Variants in TMEM132B observed in about 807,000 individuals in gnomAD.
TMEM132B encodes transmembrane protein 132B.
In TMEM132B, 18 loss-of-function variants were observed where a neutral mutation model predicts 90.8. The observed-to-expected ratio is 0.20, with a 90% CI of 0.14 to 0.29. The LOEUF is 0.29. TMEM132B is among the 10% of genes least tolerant of loss of function. The pLI, the probability that TMEM132B is intolerant of heterozygous loss-of-function variation, is 1.00. For synonymous variants in TMEM132B, 504 were observed against 523.3 expected, an observed-to-expected ratio of 0.96 and a Z score of 0.50; for missense variants, 1,096 against 1,326.8, an observed-to-expected ratio of 0.83 and a Z score of 2.70.
At chr12:125,563,366 T>A (rs939601339) in intron 4 of TMEM132B, among the ~76,000 whole-genome samples, 30 of 151,978 alleles carry the variant, frequency 2.0e-4, no homozygotes, top group Non-Finnish European at 1.5e-5. Flanking sequence ...CCCAGCACTT[T>A]GGGAGGCTGA....
At chr12:125,555,776 G>C (rs1391698739) in intron 4 of TMEM132B, among the ~76,000 whole-genome samples, 1 of 151,976 alleles carries the variant, frequency 6.6e-6, no homozygotes, top group Non-Finnish European at 1.5e-5. Flanking sequence ...ACCCCAACTG[G>C]GATGTCGAGT....
At chr12:125,253,138 G>A (rs912897093) in intron 1 of TMEM132B, among the ~76,000 whole-genome samples, 1 of 152,060 alleles carries the variant, frequency 6.6e-6, no homozygotes, top group African/African-American at 2.4e-5. Flanking sequence ...CCTCGTGGAG[G>A]CTGCCTCTGA....
Position 125,235,441 on chromosome 12 carries a change from A to AT in TMEM132B, c.67+48590dup, listed in dbSNP as rs5801590. On this transcript the variant is annotated intron_variant, in intron 1 of 8. Transcript: ENST00000682704. Reference sequence around the variant, plus strand: ...GGCCCATGGAGGCTCTTGCTGCTGGATTTTTTTTTTTTTTTAAGCTGAGGT... The same window carrying AT: ...GGCCCATGGAGGCTCTTGCTGCTGGATTTTTTTTTTTTTTTTAAGCTGAGGT... Among the ~76,000 whole-genome samples, 447 of 140,846 alleles carry AT rather than the reference A, an allele frequency of 3.2e-3. 2 individuals carry two copies. The highest frequency in any genetic ancestry group is 0.013 in the South Asian group (57 of 4,310). The allele number at this position is 140,846 out of a possible 152,430, so 92.4% of individuals were successfully genotyped here.
intron 3 of TMEM132B, among the ~76,000 whole-genome samples, chr12:125,485,476 G>C (rs1882176000): frequency 6.6e-6 from 1 of 152,052 alleles, no homozygotes; most frequent in Admixed American, 6.6e-5. Context: ...TAATTAGATG[G>C]GACAAATTCT....
chr12:125,288,695 G>A (rs1875442703), intron 1 of TMEM132B, among the ~76,000 whole-genome samples: 2 of 151,816 alleles, frequency 1.3e-5, no homozygotes, highest in Non-Finnish European at 2.9e-5. Context: ...TTGTTGCAGG[G>A]GGCTGTTCTG....
chr12:125,240,139 G>T (rs1198015232), intron 1 of TMEM132B, among the ~76,000 whole-genome samples: 1 of 152,178 alleles, frequency 6.6e-6, no homozygotes, highest in African/African-American at 2.4e-5. Flanking sequence ...GATTCTGTAA[G>T]GACTTTGCCC....
intron 4 of TMEM132B, among the ~76,000 whole-genome samples, chr12:125,549,300 C>T (rs59572691): frequency 3.3e-5 from 5 of 152,222 alleles, no homozygotes; most frequent in Non-Finnish European, 5.9e-5. Flanking sequence ...TCCGCCTCCT[C>T]GGCTCTGTTG....
At chr12:125,193,194 A>T (rs1320639013) in intron 1 of TMEM132B, among the ~76,000 whole-genome samples, 1 of 152,168 alleles carries the variant, frequency 6.6e-6, no homozygotes, top group East Asian at 1.9e-4. Flanking sequence ...ATTTCATGGG[A>T]TTCTTGGGCA....
At chr12:125,487,221 A>G (rs1471186796) in intron 3 of TMEM132B, among the ~76,000 whole-genome samples, 3 of 152,244 alleles carry the variant, frequency 2.0e-5, no homozygotes, top group Admixed American at 6.5e-5. Context: ...CTTAGCTCCC[A>G]AAATGAAGGC....
chr12:125,577,679 T>A (rs1337439848), intron 4 of TMEM132B, among the ~76,000 whole-genome samples: 1 of 151,710 alleles, frequency 6.6e-6, no homozygotes, highest in African/African-American at 2.4e-5. Context: ...TCTAGTTCTC[T>A]AAGGTAGAAG....
intron 3 of TMEM132B, among the ~76,000 whole-genome samples, chr12:125,481,292 A>G (rs371741314): frequency 1.3e-5 from 2 of 152,334 alleles, no homozygotes; most frequent in African/African-American, 2.4e-5. Context: ...AGGGTATTCA[A>G]TTAGGAAAAG....
At chr12:125,326,734 G>A in intron 1 of TMEM132B, 2 of 1,544,054 alleles carry the variant, frequency 1.3e-6, no homozygotes, top group South Asian at 1.2e-5. Flanking sequence ...AGACCCAAGG[G>A]GAGGTTTTCC....
intron 3 of TMEM132B, among the ~76,000 whole-genome samples, chr12:125,456,548 G>A (rs1311331917): frequency 1.3e-5 from 2 of 152,236 alleles, no homozygotes; most frequent in Non-Finnish European, 2.9e-5. Flanking sequence ...TTTGCCTGCT[G>A]AGGAGCCTTC....
Position 125,653,958 on chromosome 12 carries a change from C to A in TMEM132B, c.2500C>A (p.Gln834Lys), listed in dbSNP as rs1886995104. 6.2e-7 allele frequency: 1 copy of A among 1,613,982 alleles called. No individual in the cohort carries two copies. Among genetic ancestry groups the A allele is most frequent in the Non-Finnish European group, 8.5e-7 (1 of 1,180,042 alleles). Reference sequence around the variant, plus strand: ...CGAAGGAAACCAGGAGAGAGCAGTCCAGGAATGGTTCCACCGTGGCACACC... The same window carrying A: ...CGAAGGAAACCAGGAGAGAGCAGTCAAGGAATGGTTCCACCGTGGCACACC... ...EREGNQERAV[Q>K]EWFHRGTPVG... The change falls in exon 9 of 9, where the codon CAG becomes AAG. Residue 834 changes from glutamine to lysine, a missense_variant. Physicochemically the swap from Gln to Lys is moderately conservative, Grantham distance 53. Transcript: ENST00000682704.
intron 3 of TMEM132B, among the ~76,000 whole-genome samples, chr12:125,469,056 G>T (rs1364793016): frequency 2.6e-5 from 4 of 152,070 alleles, no homozygotes; most frequent in African/African-American, 9.7e-5. Context: ...TTTCCAATTT[G>T]GATGCCTTTT....
At chr12:125,337,705 A>G (rs535803050) in intron 1 of TMEM132B, among the ~76,000 whole-genome samples, 24 of 152,266 alleles carry the variant, frequency 1.6e-4, no homozygotes, top group Admixed American at 1.4e-3. Flanking sequence ...CCTCATCCAT[A>G]TACTCAAATT....
intron 1 of TMEM132B, among the ~76,000 whole-genome samples, chr12:125,315,184 A>G (rs1278910082): frequency 6.6e-6 from 1 of 152,260 alleles, no homozygotes; most frequent in Non-Finnish European, 1.5e-5. Flanking sequence ...GCGAAGGCGC[A>G]TAACAGTAGA....
intron 1 of TMEM132B, among the ~76,000 whole-genome samples, chr12:125,237,084 C>T (rs999322391): frequency 7.2e-5 from 11 of 152,242 alleles, no homozygotes; most frequent in Non-Finnish European, 1.2e-4. Context: ...GGCCTTCCTC[C>T]CTTCTCTATT....
intron 4 of TMEM132B, among the ~76,000 whole-genome samples, chr12:125,566,826 C>A (rs1304809261): frequency 7.5e-6 from 1 of 133,696 alleles, no homozygotes; most frequent in Non-Finnish European, 1.5e-5. Context: ...TCTTCTTCCT[C>A]TTCTTCTTCT....
Sources: allele counts gnomAD v4.1 joint callset (sites outside exome capture counted in the v4.1 genomes callset), GRCh38; gene constraint gnomAD v4.1.1; transcripts MANE v1.5; gene names NCBI Gene and HGNC (gene_info 2026-07-23, HGNC 2026-07-21).